Variants in KATNAL1 observed in about 807,000 individuals in gnomAD.
KATNAL1 encodes the protein katanin catalytic subunit A1 like 1.
Under a neutral mutation model 55.2 loss-of-function variants are expected in KATNAL1, and 32 were observed. The ratio of observed to expected loss-of-function variants is 0.58; its 90% CI spans 0.44 to 0.78. KATNAL1 has a LOEUF of 0.78. Among genes scored for constraint, KATNAL1 ranks in the 30% least tolerant of loss-of-function variants. The pLI, the probability that KATNAL1 is intolerant of heterozygous loss-of-function variation, is 0.00. For missense variants in KATNAL1, 466 were observed against 600.9 expected, an observed-to-expected ratio of 0.78 and a Z score of 2.35; for synonymous variants, 193 against 193.6, an observed-to-expected ratio of 1.00 and a Z score of 0.02.
chr13:30,238,141 CA>C (rs1487946510), intron 6 of KATNAL1, among the ~76,000 whole-genome samples: 1 of 152,156 alleles, frequency 6.6e-6, no homozygotes, highest in African/African-American at 2.4e-5. Flanking sequence ...AGAGGTCTCC[CA>C]AACACCTACA....
At chr13:30,227,997 G>A (rs1875682211) in intron 8 of KATNAL1, among the ~76,000 whole-genome samples, 1 of 151,984 alleles carries the variant, frequency 6.6e-6, no homozygotes, top group Admixed American at 6.6e-5. Context: ...TAATATTCTA[G>A]CATGCAATTA....
In KATNAL1 at chr13:30,227,414, G is replaced by T; in HGVS notation, c.1145C>A (p.Thr382Lys). ...LEKRIYIPLP[T>K]AKGRAELLKI... ...TCAAAATAGAGAAGACATCATACCT[G>T]TTGGGAGAGGTATATATATCCTTTT... The change falls in exon 9 of 11, where the codon ACA becomes AAA. Residue 382 changes from threonine (T) to lysine (K), a missense_variant and splice_region_variant. Physicochemically the swap from Thr to Lys is moderately conservative, Grantham distance 78. This residue lies in a region of KATNAL1 where 213 missense variants were observed against 308.6 expected (regional missense o/e 0.69). Coordinates refer to ENST00000380615, the MANE Select transcript of KATNAL1 (RefSeq NM_032116.5). The T allele has an allele frequency of 6.2e-7, 1 of 1,613,410 alleles. No individual in the cohort carries two copies. The highest frequency in any genetic ancestry group is 8.5e-7 in the Non-Finnish European group (1 of 1,179,522).
At chr13:30,241,403 C>T (rs1877269744) in intron 4 of KATNAL1, among the ~76,000 whole-genome samples, 1 of 152,122 alleles carries the variant, frequency 6.6e-6, no homozygotes. Flanking sequence ...AGGATTTCCA[C>T]CACTACTAGA....
chr13:30,223,906 A>G (rs918493255), intron 9 of KATNAL1, among the ~76,000 whole-genome samples: 8 of 152,246 alleles, frequency 5.3e-5, no homozygotes, highest in African/African-American at 1.7e-4. Context: ...CTCAGAATAA[A>G]CATTCTATTC....
chr13:30,296,664 T>C, intron 1 of KATNAL1: 2 of 666,400 alleles, frequency 3.0e-6, no homozygotes, highest in East Asian at 6.3e-5. Flanking sequence ...TCCTGCTGGC[T>C]GGAAGCTTGG....
chr13:30,274,713 A>G (rs1045398653), intron 3 of KATNAL1, among the ~76,000 whole-genome samples: 2 of 152,174 alleles, frequency 1.3e-5, no homozygotes, highest in African/African-American at 4.8e-5. Flanking sequence ...CAGCAATCCC[A>G]CTTCTGAGCA....
chr13:30,287,502 C>T (rs1048933753), intron 1 of KATNAL1, among the ~76,000 whole-genome samples: 2 of 152,290 alleles, frequency 1.3e-5, no homozygotes, highest in African/African-American at 4.8e-5. Flanking sequence ...AACCTCTTTT[C>T]TTTATAAATT....
chr13:30,297,572 T>G (rs916334896), intron 1 of KATNAL1, among the ~76,000 whole-genome samples: 1 of 152,198 alleles, frequency 6.6e-6, no homozygotes, highest in Non-Finnish European at 1.5e-5. Flanking sequence ...ACTCGTATCT[T>G]CACTGCAGCA....
At chr13:30,235,049 C>A (rs77985113) in intron 6 of KATNAL1, among the ~76,000 whole-genome samples, 1 of 152,150 alleles carries the variant, frequency 6.6e-6, no homozygotes, top group Non-Finnish European at 1.5e-5. Context: ...AACTCAACCT[C>A]TGGGAAGAGG....
At chr13:30,241,546 G>A (rs971448463) in intron 4 of KATNAL1, among the ~76,000 whole-genome samples, 3 of 152,108 alleles carry the variant, frequency 2.0e-5, no homozygotes, top group Admixed American at 2.0e-4. Flanking sequence ...TGGTTTCTAT[G>A]GGGTTCTGCC....
At chr13:30,238,972 A>G (rs1056708739) in intron 6 of KATNAL1, among the ~76,000 whole-genome samples, 4 of 152,170 alleles carry the variant, frequency 2.6e-5, no homozygotes, top group African/African-American at 9.7e-5. Context: ...TTGGACTTCA[A>G]TTTTCTAGTA....
At chr13:30,241,162 T>C in intron 4 of KATNAL1, 76 bp from the exon 5 acceptor site, 1 of 1,222,926 alleles carries the variant, frequency 8.2e-7, no homozygotes, top group Non-Finnish European at 1.2e-6. Context: ...TTGAAAACAT[T>C]ATAATGCCAT....
intron 4 of KATNAL1, among the ~76,000 whole-genome samples, chr13:30,242,754 CAA>C (rs1877405007): frequency 6.6e-6 from 1 of 151,846 alleles, no homozygotes; most frequent in South Asian, 2.1e-4. Context: ...CCCGAGAACC[CAA>C]AGTTTCTCAG....
Position 30,241,103 on chromosome 13 carries a change from A to G in KATNAL1, c.493-17T>C. On this transcript the variant is annotated splice_polypyrimidine_tract_variant and intron_variant, in intron 4 of 10. Coordinates refer to ENST00000380615, the MANE Select transcript of KATNAL1 (RefSeq NM_032116.5). ...CTTCCTTCCCTGGGGATAGGTATAA[A>G]AAAAAAGTACTAGTCAGTAATGGAT... The G allele has an allele frequency of 6.2e-7, 1 of 1,608,878 alleles. No individual in the cohort carries two copies. The highest frequency in any genetic ancestry group is 2.2e-5 in the East Asian group (1 of 44,816).
In KATNAL1 at chr13:30,266,302, C is replaced by T. The variant is rs144907749; in HGVS notation, c.324-10687G>A. Among the ~76,000 whole-genome samples, 65 of 152,158 alleles carry T rather than the reference C, an allele frequency of 4.3e-4. No individual in the cohort carries two copies. In the East Asian group the frequency reaches 7.8e-3, roughly 18 times the overall value. ...CAGGGGTGAGCCACTGCACCTGGCC[C>T]GCTTTTAAGAGATGTTAAAATAATG... On this transcript the variant is annotated intron_variant, in intron 3 of 10. Transcript: ENST00000380615.
At chr13:30,273,481 A>C (rs1014688472) in intron 3 of KATNAL1, among the ~76,000 whole-genome samples, 1 of 152,248 alleles carries the variant, frequency 6.6e-6, no homozygotes, top group Non-Finnish European at 1.5e-5. Context: ...GGATGGTAAC[A>C]ATAGTACCTA....
At chr13:30,262,081 A>G (rs1197094198) in intron 3 of KATNAL1, among the ~76,000 whole-genome samples, 3 of 152,216 alleles carry the variant, frequency 2.0e-5, no homozygotes, top group Non-Finnish European at 2.9e-5. Flanking sequence ...AAACCGCTCA[A>G]CTACACGGAA....
intron 1 of KATNAL1, among the ~76,000 whole-genome samples, chr13:30,297,467 A>G (rs989505735): frequency 3.3e-5 from 5 of 152,364 alleles, no homozygotes; most frequent in Admixed American, 3.3e-4. Flanking sequence ...AGATTTCTCA[A>G]AGAACTTAAA....
intron 3 of KATNAL1, among the ~76,000 whole-genome samples, chr13:30,260,508 C>T (rs925112288): frequency 6.6e-6 from 1 of 152,046 alleles, no homozygotes; most frequent in South Asian, 2.1e-4. Flanking sequence ...GAATAACCAA[C>T]ACAGAGAAGT....
Sources: allele counts gnomAD v4.1 joint callset (sites outside exome capture counted in the v4.1 genomes callset), GRCh38; gene constraint gnomAD v4.1.1; regional missense constraint gnomAD v4.1.1; transcripts MANE v1.5; gene names NCBI Gene and HGNC (gene_info 2026-07-23, HGNC 2026-07-21).